RBFOX1: variants seen among roughly 807,000 people sequenced by gnomAD.
RBFOX1 encodes RNA binding protein fox-1 homolog 1.
Under a neutral mutation model 57.7 loss-of-function variants are expected in RBFOX1, and 8 were observed. The ratio of observed to expected loss-of-function variants is 0.14; its 90% confidence interval spans 0.08 to 0.25. The LOEUF (loss-of-function observed/expected upper bound fraction) is 0.25. RBFOX1 is among the 10% of genes least tolerant of loss of function. The probability of loss-of-function intolerance (pLI) is 1.00; values close to 1 mark genes in which losing one functional copy is unlikely to be tolerated. For missense variants in RBFOX1, 611 were observed against 548.5 expected (o/e 1.11, Z -1.14); for synonymous variants, 326 against 222.4 (o/e 1.47, Z -4.15).
intron 2 of RBFOX1, among the ~76,000 whole-genome samples, chr16:6,405,434 A>C (rs1393771407): frequency 6.6e-6 from 1 of 152,170 alleles, no homozygotes; most frequent in African/African-American, 2.4e-5. Flanking sequence ...GACTCAGGCT[A>C]TGGAGGCTTC....
At chr16:6,189,831 A>T (rs933575332) in intron 1 of RBFOX1, among the ~76,000 whole-genome samples, 1 of 152,160 alleles carries the variant, frequency 6.6e-6, no homozygotes, top group Non-Finnish European at 1.5e-5. Context: ...ATGGTTAAAC[A>T]TATATTTTGT....
At chr16:5,719,488 G>C (rs2051848078) in intron 3 of RBFOX1, among the ~76,000 whole-genome samples, 1 of 151,944 alleles carries the variant, frequency 6.6e-6, no homozygotes, top group African/African-American at 2.4e-5. Flanking sequence ...GGGATTGCAG[G>C]CATGAGCCAC....
chr16:7,440,648 A>T (rs533534951), intron 4 of RBFOX1, among the ~76,000 whole-genome samples: 2 of 152,160 alleles, frequency 1.3e-5, no homozygotes, highest in Admixed American at 1.3e-4. Context: ...TTAGCCTCAC[A>T]GGTTTTGCTC....
At chr16:5,386,289 C>T (rs1280974531) in intron 1 of RBFOX1, among the ~76,000 whole-genome samples, 1 of 152,034 alleles carries the variant, frequency 6.6e-6, no homozygotes, top group Non-Finnish European at 1.5e-5. Flanking sequence ...GACTGGGCTT[C>T]TCTTCTGCCT....
At chr16:6,569,257 G>A (rs1160278725) in intron 2 of RBFOX1, among the ~76,000 whole-genome samples, 1 of 152,124 alleles carries the variant, frequency 6.6e-6, no homozygotes, top group Non-Finnish European at 1.5e-5. Flanking sequence ...CCCAAAGTTA[G>A]CCTCTCAAAA....
chr16:6,110,621 T>C (rs1340112671), intron 1 of RBFOX1, among the ~76,000 whole-genome samples: 1 of 152,204 alleles, frequency 6.6e-6, no homozygotes, highest in Non-Finnish European at 1.5e-5. Flanking sequence ...CATTGAGCAC[T>C]TTCTGTGTGA....
chr16:5,913,398 G>A (rs1404162309), intron 4 of RBFOX1, among the ~76,000 whole-genome samples: 1 of 152,142 alleles, frequency 6.6e-6, no homozygotes, highest in Admixed American at 6.5e-5. Flanking sequence ...GGTGATGGGG[G>A]GCAGTTGCCT....
chr16:5,863,548 T>A (rs900579073), intron 3 of RBFOX1, among the ~76,000 whole-genome samples: 4 of 152,180 alleles, frequency 2.6e-5, no homozygotes, highest in Admixed American at 1.3e-4. Context: ...AACCCTGAGG[T>A]CTGTGGGTGC....
chr16:7,580,018 A>G (rs990049509), intron 6 of RBFOX1, 98 bp downstream of exon 6: 9 of 1,327,316 alleles, frequency 6.8e-6, no homozygotes, highest in Admixed American at 2.2e-5. Context: ...CTAAGGTTAG[A>G]TGTTTGTATG....
chr16:5,705,303 C>G (rs1178756972), intron 3 of RBFOX1, among the ~76,000 whole-genome samples: 1 of 152,052 alleles, frequency 6.6e-6, no homozygotes, highest in East Asian at 1.9e-4. Context: ...GCTGTCTTGT[C>G]CAGGCTAGGG....
intron 2 of RBFOX1, among the ~76,000 whole-genome samples, chr16:6,463,092 T>A (rs2094957686): frequency 6.8e-6 from 1 of 146,890 alleles, no homozygotes; most frequent in Admixed American, 6.9e-5. Context: ...GAGCTATCCT[T>A]CCCCTATTCA....
intron 4 of RBFOX1, among the ~76,000 whole-genome samples, chr16:5,908,303 C>CACATATATATAT (rs1187209062): frequency 5.8e-5 from 4 of 69,510 alleles, no homozygotes; most frequent in Admixed American, 3.4e-4. Context: ...TATATATATA[C>CACATATATATAT]ACACATATAT....
chr16:6,314,463 C>G (rs139270733), intron 1 of RBFOX1, among the ~76,000 whole-genome samples: 1 of 152,130 alleles, frequency 6.6e-6, no homozygotes, highest in Non-Finnish European at 1.5e-5. Context: ...ACAGAGAGCA[C>G]GCTTGGGTAG....
intron 2 of RBFOX1, among the ~76,000 whole-genome samples, chr16:6,460,675 G>C (rs1026370783): frequency 1.3e-5 from 2 of 152,154 alleles, no homozygotes; most frequent in Non-Finnish European, 2.9e-5. Flanking sequence ...AACCATTGTG[G>C]AAGACAGTGT....
chr16:5,417,283 C>T (rs767663009), intron 1 of RBFOX1, among the ~76,000 whole-genome samples: 7 of 152,226 alleles, frequency 4.6e-5, no homozygotes, highest in Non-Finnish European at 8.8e-5. Context: ...TGTGTCCGAA[C>T]GTAATTTAAT....
chr16:5,541,923 A>T (rs1346053005), intron 2 of RBFOX1, among the ~76,000 whole-genome samples: 1 of 152,062 alleles, frequency 6.6e-6, no homozygotes, highest in Non-Finnish European at 1.5e-5. Context: ...TTTTTTGGGA[A>T]CAGGTGGTTT....
intron 2 of RBFOX1, among the ~76,000 whole-genome samples, chr16:5,527,721 C>G (rs79026034): frequency 1.3e-5 from 2 of 152,116 alleles, no homozygotes; most frequent in Admixed American, 6.5e-5. Context: ...TTTAAGCCCT[C>G]TAAGTAGCTC....
intron 4 of RBFOX1, among the ~76,000 whole-genome samples, chr16:7,356,284 C>T (rs1395728717): frequency 2.6e-5 from 4 of 152,126 alleles, no homozygotes; most frequent in African/African-American, 9.7e-5. Context: ...CCCACACAGG[C>T]ATCATCGTTA....
At chr16:7,383,908 G>C (rs953549214) in intron 4 of RBFOX1, among the ~76,000 whole-genome samples, 3 of 152,002 alleles carry the variant, frequency 2.0e-5, no homozygotes, top group African/African-American at 7.2e-5. Context: ...CAAAAAATTA[G>C]CTGGGCATGG....
Sources: allele counts gnomAD v4.1 joint callset (sites outside exome capture counted in the v4.1 genomes callset), GRCh38; gene constraint gnomAD v4.1.1; transcripts MANE v1.5; gene names NCBI Gene and HGNC (gene_info 2026-07-23, HGNC 2026-07-21).